The following CEP128 variants were observed in gnomAD, a reference collection of about 807,000 sequenced individuals.
The protein encoded by CEP128 is centrosomal protein 128kDa.
Under a neutral mutation model 156.7 loss-of-function variants are expected in CEP128, and 132 were observed. The ratio of observed to expected loss-of-function variants is 0.84; its 90% CI spans 0.73 to 0.97. The LOEUF is 0.97. Ranked by LOEUF, CEP128 falls within the 50% of genes least tolerant of loss-of-function variation. The pLI is 0.00. For synonymous variants in CEP128, 469 were observed against 448.9 expected (o/e 1.04, Z -0.57); for missense variants, 1,252 against 1,281.9 (o/e 0.98, Z 0.36).
In CEP128 at chr14:80,590,819, C is replaced by T. The variant is rs531511670; in HGVS notation, c.2807-10396G>A. 5.3e-5 allele frequency among the ~76,000 whole-genome samples: 8 copies of T among 152,172 alleles called. No individual in the cohort carries two copies. The East Asian group carries it at 1.5e-3, about 29-fold the overall frequency. On this transcript the variant is annotated intron_variant, in intron 19 of 24. Coordinates refer to ENST00000555265, the MANE Select transcript of CEP128 (RefSeq NM_152446.5). ...CTAACAGCGGATCTCTTGGCAGAAACCCTACAAGCCAGAAGAAAGTGGGGG... is the reference window on the plus strand; with the variant it reads ...CTAACAGCGGATCTCTTGGCAGAAATCCTACAAGCCAGAAGAAAGTGGGGG...
chr14:80,495,556 C>A (rs985371174), downstream of CEP128, among the ~76,000 whole-genome samples: 2 of 151,914 alleles, frequency 1.3e-5, no homozygotes, highest in Non-Finnish European at 2.9e-5. Context: ...AAAGTTACTT[C>A]ATAAGATTCC....
chr14:80,869,444 CA>C (rs1252250896), intron 8 of CEP128, among the ~76,000 whole-genome samples: 2 of 151,680 alleles, frequency 1.3e-5, no homozygotes, highest in Non-Finnish European at 2.9e-5. Flanking sequence ...TTATGGGATG[CA>C]AAAAAGCAGT....
rs750688211 is a variant in CEP128, at chr14:80,792,834, T to C, written c.1486A>G (p.Lys496Glu). The C allele has an allele frequency of 1.5e-5, 24 of 1,614,100 alleles. 1 individual carries two copies. The Admixed American group carries it at 3.8e-4, about 26-fold the overall frequency. ...AACGCTCGTTCTAACTTCTTATGCT[T>C]AAGCTTCCACTGCCTAATGGATTCT... ...AQESIRQWKL[K>E]HKKLERALEK... The change falls in exon 14 of 25, where the codon AAG (lysine) becomes GAG (glutamate). Residue 496 changes from lysine (K) to glutamate (E), a missense_variant. Lys to Glu is a moderately conservative substitution (Grantham distance 56). Coordinates refer to ENST00000555265, the MANE Select transcript of CEP128 (RefSeq NM_152446.5).
rs1017932424 is a variant in CEP128, at chr14:80,497,066, A to G, written c.*413T>C. 6 of 168,592 alleles carry G rather than the reference A, an allele frequency of 3.6e-5. No individual in the cohort carries two copies. The South Asian group carries it at 4.9e-4, about 14-fold the overall frequency. 10.4% of individuals were successfully genotyped at this position (168,592 alleles called of 1,614,324 possible). A position where few individuals can be genotyped will look rare whatever the true frequency, so the allele number is the denominator to read the frequency against. On this transcript the variant is annotated 3_prime_UTR_variant, in exon 25 of 25. Coordinates refer to ENST00000555265, the MANE Select transcript of CEP128 (RefSeq NM_152446.5). ...ATTTTTCAAAAAATCAGTTGTATAT[A>G]AATGCTCCCTGAATCTAAAGTGCTG...
At position 80,646,529 on chromosome 14, in the gene CEP128, C is replaced by G. The variant is rs930416567; in HGVS notation, c.2807-66106G>C. Among the ~76,000 whole-genome samples the G allele has an allele frequency of 4.0e-5, 6 of 150,232 alleles. No homozygotes were observed. In the East Asian group the frequency reaches 1.2e-3, roughly 29 times the overall value. On this transcript the variant is annotated intron_variant, in intron 19 of 24. Coordinates refer to ENST00000555265, the MANE Select transcript of CEP128 (RefSeq NM_152446.5). ...GTTCTGAATCAATAATATAATATAT[C>G]TTTAATGAATAGTATGATAAATGAT...
intron 14 of CEP128, among the ~76,000 whole-genome samples, chr14:80,480,886 T>C (rs910751585): frequency 2.6e-5 from 4 of 152,160 alleles, no homozygotes; most frequent in Non-Finnish European, 5.9e-5. Context: ...TCCCAAAAAG[T>C]TCCTCATCTT....
chr14:80,578,436 C>T (rs553739911), intron 20 of CEP128, among the ~76,000 whole-genome samples: 5 of 152,154 alleles, frequency 3.3e-5, no homozygotes, highest in African/African-American at 1.2e-4. Context: ...AAATTGACTC[C>T]AATTTGGATA....
intron 19 of CEP128, among the ~76,000 whole-genome samples, chr14:80,666,955 C>A (rs1279205993): frequency 6.6e-6 from 1 of 152,116 alleles, no homozygotes; most frequent in Non-Finnish European, 1.5e-5. Flanking sequence ...CAAAAACACA[C>A]CAAGAATAAG....
chr14:80,751,466 T>C (rs1316620635), intron 18 of CEP128, among the ~76,000 whole-genome samples: 1 of 152,126 alleles, frequency 6.6e-6, no homozygotes, highest in Non-Finnish European at 1.5e-5. Flanking sequence ...ACTTTAACAA[T>C]TCCCAATAAT....
At chr14:80,784,299 C>G (rs77447286) in intron 15 of CEP128, among the ~76,000 whole-genome samples, 1 of 145,136 alleles carries the variant, frequency 6.9e-6, no homozygotes, top group Non-Finnish European at 1.5e-5. Flanking sequence ...AAAAAAAAGA[C>G]AGGAAGAGGA....
At chr14:80,683,307 C>G (rs904111294) in intron 19 of CEP128, among the ~76,000 whole-genome samples, 4 of 152,064 alleles carry the variant, frequency 2.6e-5, no homozygotes, top group Non-Finnish European at 5.9e-5. Flanking sequence ...CAAAAGAGAG[C>G]AGGGATCACA....
intron 19 of CEP128, among the ~76,000 whole-genome samples, chr14:80,627,144 C>T (rs1893762698): frequency 6.6e-6 from 1 of 152,130 alleles, no homozygotes; most frequent in African/African-American, 2.4e-5. Flanking sequence ...TTACAAGAAG[C>T]AATATCTCAG....
chr14:80,532,387 A>G (rs1889269629), intron 21 of CEP128, among the ~76,000 whole-genome samples: 1 of 151,866 alleles, frequency 6.6e-6, no homozygotes, highest in Admixed American at 6.6e-5. Flanking sequence ...GGAGTTCATT[A>G]TTTTCTCAGT....
intron 19 of CEP128, among the ~76,000 whole-genome samples, chr14:80,617,041 A>C (rs1263290465): frequency 6.6e-6 from 1 of 152,078 alleles, no homozygotes; most frequent in African/African-American, 2.4e-5. Flanking sequence ...AACTTCTGAT[A>C]GTTGGGCTAG....
intron 19 of CEP128, among the ~76,000 whole-genome samples, chr14:80,650,666 T>C (rs1330555491): frequency 2.6e-5 from 4 of 152,188 alleles, no homozygotes; most frequent in Admixed American, 1.3e-4. Context: ...TCTGCATCTA[T>C]TGAGGAAATT....
intron 18 of CEP128, among the ~76,000 whole-genome samples, chr14:80,747,046 C>T (rs1270121754): frequency 1.3e-5 from 2 of 152,192 alleles, no homozygotes; most frequent in African/African-American, 4.8e-5. Context: ...ACTTCACACC[C>T]AGCAGGGTAG....
At chr14:80,831,065 T>C (rs1260224207) in intron 13 of CEP128, 78 bp downstream of exon 13, 2 of 1,248,270 alleles carry the variant, frequency 1.6e-6, no homozygotes, top group Non-Finnish European at 2.4e-6. Context: ...AACACATCTT[T>C]ATATTAAAAT....
intron 19 of CEP128, among the ~76,000 whole-genome samples, chr14:80,718,818 A>C (rs1279886084): frequency 1.3e-5 from 2 of 152,240 alleles, no homozygotes; most frequent in Non-Finnish European, 2.9e-5. Context: ...AGCAGGCTAA[A>C]TAGGTACATG....
intron 8 of CEP128, among the ~76,000 whole-genome samples, chr14:80,878,841 C>A (rs1888400904): frequency 6.6e-6 from 1 of 152,174 alleles, no homozygotes; most frequent in South Asian, 2.1e-4. Flanking sequence ...ACAATGTGTG[C>A]AAGAGTCTGA....
Sources: allele counts gnomAD v4.1 joint callset (sites outside exome capture counted in the v4.1 genomes callset), GRCh38; gene constraint gnomAD v4.1.1; transcripts MANE v1.5; gene names NCBI Gene and HGNC (gene_info 2026-07-23, HGNC 2026-07-21).